Variants in BTD observed in about 807,000 individuals in gnomAD.
BTD encodes the protein biotinidase.
In BTD, 13 loss-of-function variants were observed where a neutral mutation model predicts 17.7. That is an observed-to-expected ratio of 0.74 (90% confidence interval 0.48 to 1.17). BTD has a LOEUF of 1.17. BTD is among the 50% of genes most tolerant of loss of function. The pLI, the probability that BTD is intolerant of heterozygous loss-of-function variation, is 0.00. For synonymous variants in BTD, 240 were observed against 245.2 expected (o/e 0.98, Z 0.20); for missense variants, 674 against 650.4 (o/e 1.04, Z -0.39).
chr3:15,686,141 T>A, intron 3 of BTD: 1 of 1,606,682 alleles, frequency 6.2e-7, no homozygotes, highest in Non-Finnish European at 8.5e-7. Context: ...CAGGAATAGG[T>A]TCAGTGCTGT....
At chr3:15,632,948 A>G (rs1339419377) in intron 1 of BTD, 1 of 152,260 alleles carries the variant, frequency 6.6e-6, no homozygotes, top group Non-Finnish European at 1.5e-5. Context: ...ATTGATGTAC[A>G]GTTGTCCCTC....
At chr3:15,602,986 AC>A (rs1321776554) in intron 1 of BTD, among the ~76,000 whole-genome samples, 4 of 152,224 alleles carry the variant, frequency 2.6e-5, no homozygotes, top group Admixed American at 2.0e-4. Flanking sequence ...GGCATGTCTT[AC>A]ATGGTGGCAG....
Position 15,645,400 on chromosome 3 carries a change from A to G in BTD, c.1484A>G (p.Glu495Gly). 3 of 1,614,092 alleles carry G rather than the reference A, an allele frequency of 1.9e-6. No individual in the cohort carries two copies. Among genetic ancestry groups the G allele is most frequent in the Non-Finnish European group, 2.5e-6 (3 of 1,180,032 alleles). The change falls in exon 4 of 4, where the codon GAG becomes GGG. Residue 495 changes from glutamate (E) to glycine (G), a missense_variant. By Grantham distance (98) the Glu-to-Gly change is moderately conservative (BLOSUM62 -2). Coordinates refer to ENST00000643237, the MANE Select transcript of BTD (RefSeq NM_001370658.1). The part of the protein sequence containing the change: ...TLEVPDQLGW[E>G]NDHYFLRKSR... ...GAAGTCCCTGACCAGCTTGGCTGGG[A>G]GAATGACCACTATTTCCTGAGGAAA... is the stretch of plus-strand genomic sequence containing the variant.
At chr3:15,714,582 C>G, downstream of BTD, 1 of 1,550,752 alleles carries the variant, frequency 6.4e-7, no homozygotes, top group Admixed American at 2.1e-5. Flanking sequence ...TTTTACCACT[C>G]TGGATAATGG....
rs2065809316 is a variant in BTD, at chr3:15,651,797, T to C, written c.*6309T>C. Among the ~76,000 whole-genome samples the C allele has an allele frequency of 6.6e-6, 1 of 152,196 alleles. No homozygotes were observed. The highest frequency in any genetic ancestry group is 1.5e-5 in the Non-Finnish European group (1 of 68,034). On this transcript the variant is annotated 3_prime_UTR_variant, in exon 4 of 4. Coordinates refer to ENST00000643237, the MANE Select transcript of BTD (RefSeq NM_001370658.1). The stretch of plus-strand genomic sequence containing the variant: ...GATAAATGCAGCCCTGGCATGGTTC[T>C]TCCAGAACATTCTGCAAGCTCATGG...
chr3:15,615,490 A>C (rs2064766254), intron 1 of BTD, among the ~76,000 whole-genome samples: 1 of 152,286 alleles, frequency 6.6e-6, no homozygotes, highest in South Asian at 2.1e-4. Flanking sequence ...TCTGTCCTTC[A>C]TGGTCTTTAA....
At chr3:15,697,408 C>T (rs182811739) in intron 3 of BTD, 1 of 152,218 alleles carries the variant, frequency 6.6e-6, no homozygotes, top group East Asian at 1.9e-4. Context: ...ACCAAAATCT[C>T]AGAAATCATC....
chr3:15,614,799 G>A (rs1016395842), intron 1 of BTD, among the ~76,000 whole-genome samples: 1 of 151,624 alleles, frequency 6.6e-6, no homozygotes, highest in South Asian at 2.1e-4. Context: ...GTTTTGCCAT[G>A]TTGCCCATGC....
At chr3:15,672,547 T>C (rs1575069211) in intron 3 of BTD, among the ~76,000 whole-genome samples, 1 of 152,216 alleles carries the variant, frequency 6.6e-6, no homozygotes. Flanking sequence ...AGGCTGTCCG[T>C]ATTTTTAATT....
chr3:15,645,443 G>T lies in BTD; in HGVS notation c.1527G>T (p.Gly509=). 1 of 1,612,558 alleles carries T rather than the reference G, an allele frequency of 6.2e-7. No homozygotes were observed. The change falls in exon 4 of 4, where the codon GGG becomes GGT. Residue 509 remains glycine, a synonymous_variant. Transcript: ENST00000643237. The stretch of plus-strand genomic sequence containing the variant: ...TGAGGAAAAGTAGGCTGTCCTCTGG[G>T]CTGGTGACGGCGGCTCTCTATGGGC... ...YFLRKSRLSS[G]LVTAALYGRL...
intron 3 of BTD, among the ~76,000 whole-genome samples, chr3:15,680,178 A>T (rs1223594160): frequency 1.3e-5 from 2 of 152,056 alleles, no homozygotes. Flanking sequence ...TTAACTACAC[A>T]TATCCTTCCA....
intron 4 of BTD, among the ~76,000 whole-genome samples, chr3:15,720,213 T>A (rs1379987471): frequency 2.0e-5 from 3 of 150,220 alleles, no homozygotes; most frequent in African/African-American, 7.4e-5. Context: ...TGAAAGTGAT[T>A]CTAACAAAAA....
intron 3 of BTD, chr3:15,670,214 T>C (rs931313595): frequency 7.7e-5 from 120 of 1,561,754 alleles, no homozygotes; most frequent in Non-Finnish European, 1.0e-4. Flanking sequence ...AGTGCCTTTT[T>C]CCTGAAAAAG....
intron 3 of BTD, among the ~76,000 whole-genome samples, chr3:15,689,420 C>T (rs1396444349): frequency 6.6e-6 from 1 of 152,182 alleles, no homozygotes; most frequent in Non-Finnish European, 1.5e-5. Flanking sequence ...AAGATGAATC[C>T]ACTGCCACTG....
chr3:15,702,156 T>C (rs1229097228), intron 3 of BTD, among the ~76,000 whole-genome samples: 2 of 152,228 alleles, frequency 1.3e-5, no homozygotes, highest in African/African-American at 4.8e-5. Context: ...AAATGACTTT[T>C]CCCAAATCCT....
intron 3 of BTD, among the ~76,000 whole-genome samples, chr3:15,680,880 T>C (rs112351940): frequency 0.023 from 3,490 of 152,264 alleles, 141 homozygotes; most frequent in African/African-American, 0.079. Flanking sequence ...TTGCTCAGGC[T>C]GGTCTTGAAT....
At chr3:15,719,016 T>TA (rs1239033226) in intron 4 of BTD, among the ~76,000 whole-genome samples, 1 of 152,170 alleles carries the variant, frequency 6.6e-6, no homozygotes. Context: ...CTGTAATAAA[T>TA]AAACTTTCTA....
intron 3 of BTD, chr3:15,696,125 G>GA (rs2069514742): frequency 2.0e-6 from 3 of 1,537,376 alleles, no homozygotes; most frequent in Admixed American, 3.8e-5. Flanking sequence ...AAGAATTCAG[G>GA]AATCTTACCA....
At chr3:15,711,139 G>A in exon 4 of BTD, 1 of 1,305,122 alleles carries the variant, frequency 7.7e-7, no homozygotes, top group South Asian at 1.4e-5. Flanking sequence ...TAATAAAAAA[G>A]AACAAAGATA....
Sources: gnomAD v4.1 joint callset for allele counts (sites outside exome capture counted in the v4.1 genomes callset) on GRCh38, gnomAD v4.1.1 for gene constraint, MANE v1.5 for transcripts, NCBI Gene and HGNC (gene_info 2026-07-23, HGNC 2026-07-21) for gene names.